The following AUTS2 variants were observed in gnomAD, a reference collection of about 807,000 sequenced individuals.
AUTS2 encodes activator of transcription and developmental regulator AUTS2.
AUTS2 carries 17 observed loss-of-function variants against 112.4 expected under a neutral mutation model. That is an observed-to-expected ratio of 0.15 (90% CI 0.10 to 0.23). AUTS2 has a LOEUF of 0.23. Among genes scored for constraint, AUTS2 ranks in the 10% least tolerant of loss-of-function variants. AUTS2 has a pLI of 1.00. For missense variants in AUTS2, 1,510 were observed against 1,701.6 expected (o/e 0.89, Z 1.98); for synonymous variants, 751 against 702.7 (o/e 1.07, Z -1.09).
At chr7:70,557,780 A>G (rs946195169) in intron 5 of AUTS2, among the ~76,000 whole-genome samples, 2 of 152,160 alleles carry the variant, frequency 1.3e-5, no homozygotes, top group Non-Finnish European at 2.9e-5. Flanking sequence ...GACTGTCAAT[A>G]TCACCTTTTG....
At chr7:70,566,859 C>A (rs1469353170) in intron 5 of AUTS2, among the ~76,000 whole-genome samples, 2 of 152,186 alleles carry the variant, frequency 1.3e-5, no homozygotes, top group Admixed American at 6.5e-5. Context: ...GTACGAATTT[C>A]GCAATAGCTG....
rs1585707952 is a variant in AUTS2 at position 70,792,663 on chromosome 7, G to A, written c.*1667G>A. On this transcript the variant is annotated 3_prime_UTR_variant, in exon 19 of 19. Coordinates refer to ENST00000342771, the MANE Select transcript of AUTS2 (RefSeq NM_015570.4). ...CAACTAAAAAAAATGCAAGGAATAT[G>A]TACACTGGAACTGTAGTGGTAGCTT... The A allele has an allele frequency of 6.7e-6, 1 of 148,450 alleles. No individual in the cohort carries two copies. The highest frequency in any genetic ancestry group is 2.1e-4 in the South Asian group (1 of 4,682). The allele number at this position is 148,450 out of a possible 1,614,324, so 9.2% of individuals were successfully genotyped here.
At chr7:69,868,920 C>A (rs1181154731) in intron 1 of AUTS2, among the ~76,000 whole-genome samples, 1 of 152,182 alleles carries the variant, frequency 6.6e-6, no homozygotes, top group Non-Finnish European at 1.5e-5. Context: ...GAGCTGTTTT[C>A]ATACCTGTGC....
At chr7:70,104,227 G>A (rs746010285) in intron 2 of AUTS2, among the ~76,000 whole-genome samples, 5 of 151,338 alleles carry the variant, frequency 3.3e-5, no homozygotes, top group Non-Finnish European at 7.4e-5. Flanking sequence ...TATATATCAA[G>A]GGGCTAATGT....
intron 2 of AUTS2, among the ~76,000 whole-genome samples, chr7:69,910,585 A>C (rs1422377628): frequency 6.6e-6 from 1 of 152,198 alleles, no homozygotes; most frequent in African/African-American, 2.4e-5. Context: ...GTGGCAGGCA[A>C]ATAGAGCATT....
intron 5 of AUTS2, among the ~76,000 whole-genome samples, chr7:70,521,779 A>G (rs1799657901): frequency 6.6e-6 from 1 of 152,098 alleles, no homozygotes; most frequent in Non-Finnish European, 1.5e-5. Context: ...TTGTTATTTT[A>G]GTTTACCATT....
chr7:70,350,376 C>A (rs572261494), intron 4 of AUTS2, among the ~76,000 whole-genome samples: 1 of 152,112 alleles, frequency 6.6e-6, no homozygotes, highest in African/African-American at 2.4e-5. Flanking sequence ...AAACAAATAC[C>A]TGAGACTGGG....
At chr7:70,425,079 A>G (rs938570782) in intron 4 of AUTS2, among the ~76,000 whole-genome samples, 2 of 152,256 alleles carry the variant, frequency 1.3e-5, no homozygotes, top group Admixed American at 6.5e-5. Flanking sequence ...TGAGATGGAC[A>G]TTGACCCTTT....
chr7:70,245,139 T>A (rs1562816974), intron 4 of AUTS2, among the ~76,000 whole-genome samples: 4 of 64,396 alleles, frequency 6.2e-5, no homozygotes, highest in Admixed American at 1.9e-4. Flanking sequence ...AAAAAGTGTG[T>A]GTGTGTATAT....
At chr7:70,019,945 T>C (rs1262765131) in intron 2 of AUTS2, among the ~76,000 whole-genome samples, 1 of 152,230 alleles carries the variant, frequency 6.6e-6, no homozygotes, top group Non-Finnish European at 1.5e-5. Flanking sequence ...GTTCTAATGC[T>C]GGCTTTGCCT....
At chr7:70,685,284 C>T (rs1300118324) in intron 5 of AUTS2, among the ~76,000 whole-genome samples, 1 of 151,754 alleles carries the variant, frequency 6.6e-6, no homozygotes, top group Non-Finnish European at 1.5e-5. Context: ...ACCAGCCTGG[C>T]CAACACGGTG....
chr7:70,346,624 T>A (rs1419777953), intron 4 of AUTS2, among the ~76,000 whole-genome samples: 3 of 152,124 alleles, frequency 2.0e-5, no homozygotes. Flanking sequence ...CGGGAAAGTC[T>A]GCATTATTTT....
At chr7:69,803,071 C>T (rs1319146490) in intron 1 of AUTS2, among the ~76,000 whole-genome samples, 3 of 152,156 alleles carry the variant, frequency 2.0e-5, no homozygotes, top group African/African-American at 7.2e-5. Flanking sequence ...AAGAGAATGA[C>T]AAACCCAAGT....
rs370837039 is a variant in AUTS2, at chr7:69,728,542, C to T, written c.309+128580C>T. 6.3e-4 allele frequency among the ~76,000 whole-genome samples: 96 copies of T among 152,180 alleles called. 5 individuals are homozygous for T. The South Asian group carries it at 0.02, about 31-fold the overall frequency. ...GACAAACATTGAGTCATCCATTCTTCCCAAGGGTAGGTAGTTCAGTCAGAA... is the reference window on the plus strand; with the variant it reads ...GACAAACATTGAGTCATCCATTCTTTCCAAGGGTAGGTAGTTCAGTCAGAA... On this transcript the variant is annotated intron_variant, in intron 1 of 18. Transcript: ENST00000342771.
chr7:70,697,562 C>CG (rs879708566), intron 5 of AUTS2, among the ~76,000 whole-genome samples: 1 of 131,042 alleles, frequency 7.6e-6, no homozygotes, highest in South Asian at 3.0e-4. Flanking sequence ...TTCAGAATTC[C>CG]CCCCCCCCAT....
intron 5 of AUTS2, among the ~76,000 whole-genome samples, chr7:70,504,881 G>A (rs1236997626): frequency 1.3e-5 from 2 of 152,088 alleles, no homozygotes; most frequent in African/African-American, 4.8e-5. Context: ...CTATTCCAGG[G>A]CCCACAGGAG....
chr7:70,646,772 G>A (rs907178745), intron 5 of AUTS2, among the ~76,000 whole-genome samples: 2 of 152,238 alleles, frequency 1.3e-5, no homozygotes, highest in African/African-American at 2.4e-5. Flanking sequence ...CTCAAGGCCC[G>A]CTCTAGTGCG....
intron 1 of AUTS2, among the ~76,000 whole-genome samples, chr7:69,732,585 A>T (rs1453423718): frequency 1.3e-5 from 2 of 152,000 alleles, no homozygotes; most frequent in African/African-American, 2.4e-5. Flanking sequence ...CCCCAATTTG[A>T]TTTCATAAAT....
chr7:69,874,175 A>G (rs1158889643), intron 1 of AUTS2, among the ~76,000 whole-genome samples: 1 of 152,102 alleles, frequency 6.6e-6, no homozygotes, highest in African/African-American at 2.4e-5. Context: ...GGAGGATCAC[A>G]TGAGCCCAGG....
Sources: allele counts gnomAD v4.1 joint callset (sites outside exome capture counted in the v4.1 genomes callset), GRCh38; gene constraint gnomAD v4.1.1; transcripts MANE v1.5; gene names NCBI Gene and HGNC (gene_info 2026-07-23, HGNC 2026-07-21).